CEP44: variants seen among roughly 807,000 people sequenced by gnomAD.
CEP44 encodes centrosomal protein of 44 kDa.
CEP44 carries 45 observed loss-of-function variants against 46.7 expected under a neutral mutation model. That is an observed-to-expected ratio of 0.96 (90% CI 0.76 to 1.24). CEP44 has a LOEUF of 1.24. Ranked by LOEUF, CEP44 falls within the 50% of genes most tolerant of loss-of-function variation. The pLI, the probability that CEP44 is intolerant of heterozygous loss-of-function variation, is 0.00. For missense variants in CEP44, 475 were observed against 459.7 expected (o/e 1.03, Z -0.30); for synonymous variants, 142 against 146.0 (o/e 0.97, Z 0.20).
intron 1 of CEP44, among the ~76,000 whole-genome samples, chr4:174,296,500 C>G (rs1739033206): frequency 6.6e-6 from 1 of 152,082 alleles, no homozygotes; most frequent in South Asian, 2.1e-4. Context: ...TCAAACTTGT[C>G]TTATTTAAAT....
At chr4:174,323,076 G>A (rs1033374408), downstream of CEP44, among the ~76,000 whole-genome samples, 4 of 151,678 alleles carry the variant, frequency 2.6e-5, no homozygotes, top group South Asian at 6.2e-4. Flanking sequence ...TTCTGTTTGC[G>A]GCAATATGGC....
At chr4:174,302,738 A>G (rs1739878241) in intron 4 of CEP44, among the ~76,000 whole-genome samples, 1 of 151,724 alleles carries the variant, frequency 6.6e-6, no homozygotes, top group South Asian at 2.1e-4. Flanking sequence ...GGTTTGTATT[A>G]AAGTTAGTTT....
In CEP44 at chr4:174,290,362, T is replaced by C. The variant is rs1228178200; in HGVS notation, c.-148+6419T>C. The stretch of plus-strand genomic sequence containing the variant: ...TTTGTGAATTTTTCCATTTTCTTTC[T>C]ATTATTGATTTCTAGTTTCATTCCC... On this transcript the variant is annotated intron_variant, in intron 1 of 11. Coordinates refer to ENST00000503780, the MANE Select transcript of CEP44 (RefSeq NM_001040157.3). The surrounding 1 kb of genome is among the most constrained non-coding windows in gnomAD (Gnocchi z 4.3). Among the ~76,000 whole-genome samples the C allele has an allele frequency of 1.3e-5, 2 of 150,978 alleles. No individual in the cohort carries two copies. Among genetic ancestry groups the C allele is most frequent in the Non-Finnish European group, 3.0e-5 (2 of 67,620 alleles).
chr4:174,321,723 T>C (rs1742331726), downstream of CEP44, among the ~76,000 whole-genome samples: 1 of 152,178 alleles, frequency 6.6e-6, no homozygotes, highest in South Asian at 2.1e-4. Flanking sequence ...ACATTTAATT[T>C]AAAATTCAGT....
chr4:174,298,217 C>CTAGG (rs1739288203), intron 2 of CEP44, among the ~76,000 whole-genome samples, 155 bp downstream of exon 2: 3 of 138,202 alleles, frequency 2.2e-5, no homozygotes, highest in Non-Finnish European at 4.6e-5. Flanking sequence ...GCTCTGTCGC[C>CTAGG]CAGGCTGGAG....
intron 3 of CEP44, among the ~76,000 whole-genome samples, chr4:174,300,295 C>T (rs964673535): frequency 2.6e-5 from 4 of 152,026 alleles, no homozygotes; most frequent in Admixed American, 6.5e-5. Flanking sequence ...GCTCAAGTTG[C>T]TGTTATTATA....
intron 1 of CEP44, among the ~76,000 whole-genome samples, chr4:174,293,133 T>C (rs1055010599): frequency 6.6e-6 from 1 of 152,214 alleles, no homozygotes. Flanking sequence ...AGGTCTGCGG[T>C]TGTGGGCCTG....
chr4:174,323,813 G>A (rs1285789759), downstream of CEP44, among the ~76,000 whole-genome samples: 2 of 152,076 alleles, frequency 1.3e-5, no homozygotes, highest in Non-Finnish European at 2.9e-5. Flanking sequence ...ATTCATACAG[G>A]CCATTGGAGG....
At position 174,303,738 on chromosome 4, in the gene CEP44, G is replaced by T; in HGVS notation, c.273G>T (p.Leu91Phe). 1.3e-6 allele frequency: 2 copies of T among 1,551,220 alleles called. No homozygotes were observed. Among genetic ancestry groups the T allele is most frequent in the South Asian group, 2.4e-5 (2 of 83,924 alleles). Residue 91 changes from leucine (L) to phenylalanine (F), a missense_variant, in exon 5 of 12, where the codon TTG becomes TTT. By Grantham distance (22) the Leu-to-Phe change is conservative. Coordinates refer to ENST00000503780, the MANE Select transcript of CEP44 (RefSeq NM_001040157.3). ...ATCAATTTAATTATAAACCAATTTT[G>T]ACAAAAAAGCAGTTTATCCAATGTG... ...LRDQFNYKPILTKKQFIQCGF... is the reference protein window; with the variant it reads ...LRDQFNYKPIFTKKQFIQCGF...
intron 2 of CEP44, 127 bp from the exon 3 acceptor site, chr4:174,298,945 G>A (rs1361829898): frequency 1.8e-6 from 1 of 546,900 alleles, no homozygotes; most frequent in African/African-American, 1.9e-5. Flanking sequence ...TAGAGAAGAA[G>A]CTCGGGGAAA....
intron 2 of CEP44, among the ~76,000 whole-genome samples, 170 bp downstream of exon 2, chr4:174,298,232 G>A (rs1007985138): frequency 1.0e-3 from 137 of 130,656 alleles, no homozygotes; most frequent in African/African-American, 3.8e-3. Flanking sequence ...CTGGAGTGCA[G>A]TGGCGGGATC....
rs771844471 is a variant in CEP44 at position 174,331,820 on chromosome 4, T to G, written c.*225T>G. 250 of 463,432 alleles carry G rather than the reference T, an allele frequency of 5.4e-4. 2 individuals carry two copies. Among genetic ancestry groups the G allele is most frequent in the Non-Finnish European group, 8.1e-4 (223 of 274,002 alleles). 28.7% of individuals were successfully genotyped at this position (463,432 alleles called of 1,614,324 possible). Reference sequence around the variant, plus strand: ...TCCAGAAATTTCTCAAAATGTCTGCTGATAGCCCCTCACTCATATTTTTCA... The same window carrying G: ...TCCAGAAATTTCTCAAAATGTCTGCGGATAGCCCCTCACTCATATTTTTCA... On this transcript the variant is annotated 3_prime_UTR_variant, in exon 9 of 9. Transcript: ENST00000426172. This position sits in a 1 kb window ranked among gnomAD's most constrained non-coding sequence, Gnocchi z 4.5.
chr4:174,329,568 C>G lies in CEP44; in HGVS notation c.1087-1914C>G, dbSNP rs1018480487. Among the ~76,000 whole-genome samples the G allele has an allele frequency of 6.6e-6, 1 of 152,044 alleles. No homozygotes were observed. The highest frequency in any genetic ancestry group is 1.5e-5 in the Non-Finnish European group (1 of 68,004). ...ATTATCTTGCTTCCAGGATAATGTT[C>G]TCACACTTTATAGCTTGAAGAATGT... is the stretch of plus-strand genomic sequence containing the variant. On this transcript the variant is annotated intron_variant, in intron 8 of 8. Coordinates refer to the CEP44 transcript ENST00000426172. This position sits in a 1 kb window ranked among gnomAD's most constrained non-coding sequence, Gnocchi z 4.0.
chr4:174,294,835 C>T (rs1228001953), intron 1 of CEP44, among the ~76,000 whole-genome samples: 2 of 135,614 alleles, frequency 1.5e-5, no homozygotes, highest in Admixed American at 7.2e-5. Context: ...CCGGACGGGA[C>T]GGCTGGCCGG....
intron 1 of CEP44, among the ~76,000 whole-genome samples, chr4:174,294,370 C>T (rs1023241683): frequency 2.6e-5 from 4 of 151,990 alleles, no homozygotes; most frequent in South Asian, 2.1e-4. Flanking sequence ...GTAGGGTCAC[C>T]GATCAACAGG....
chr4:174,318,481 A>G lies in CEP44; in HGVS notation c.*1098A>G, dbSNP rs1225126050. The G allele has an allele frequency of 2.9e-5, 27 of 941,128 alleles. No homozygotes were observed. The highest frequency in any genetic ancestry group is 3.1e-5 in the Non-Finnish European group (25 of 795,268). 58.3% of individuals were successfully genotyped at this position (941,128 alleles called of 1,614,324 possible). A position where few individuals can be genotyped will look rare whatever the true frequency, so the allele number is the denominator to read the frequency against. ...TCTTAGCTGAAGGTAAATCAATGGA[A>G]AAATGAAATTTATTTTTAATATTAC... is the stretch of plus-strand genomic sequence containing the variant. On this transcript the variant is annotated 3_prime_UTR_variant, in exon 12 of 12. Coordinates refer to ENST00000503780, the MANE Select transcript of CEP44 (RefSeq NM_001040157.3).
intron 2 of CEP44, among the ~76,000 whole-genome samples, chr4:174,298,672 T>G (rs1467938497): frequency 6.6e-6 from 1 of 152,166 alleles, no homozygotes; most frequent in Non-Finnish European, 1.5e-5. Flanking sequence ...GCTAAATTTG[T>G]CTCCATTTTT....
chr4:174,305,721 A>G lies in CEP44; in HGVS notation c.507+1352A>G, dbSNP rs547027462. On this transcript the variant is annotated intron_variant, in intron 6 of 11. Transcript: ENST00000503780. ...GTATTCTTCCCCAACTAGAAGGAAC[A>G]TATATGAACAGGGATTTTCTTATAC... 3.9e-5 allele frequency among the ~76,000 whole-genome samples: 6 copies of G among 152,336 alleles called. No individual in the cohort carries two copies. The South Asian group carries it at 1.0e-3, about 26-fold the overall frequency.
At chr4:174,313,587 G>T (rs1470092404) in intron 9 of CEP44, among the ~76,000 whole-genome samples, 1 of 152,156 alleles carries the variant, frequency 6.6e-6, no homozygotes, top group Non-Finnish European at 1.5e-5. Context: ...CATCAAAGCA[G>T]AATAGTGATT....
Sources: allele counts gnomAD v4.1 joint callset (sites outside exome capture counted in the v4.1 genomes callset), GRCh38; gene constraint gnomAD v4.1.1; non-coding constraint Gnocchi (gnomAD v3.1); transcripts MANE v1.5; gene names NCBI Gene and HGNC (gene_info 2026-07-23, HGNC 2026-07-21).